Variants in DRC8 observed in about 807,000 individuals in gnomAD.
The protein encoded by DRC8 is dynein regulatory complex subunit 8, also known as dynein regulatory complex protein 8.
At chr1:245,041,592 TC>T in the DRC8 span, among the ~76,000 whole-genome samples, 1 of 152,052 alleles carries the variant, frequency 6.6e-6, no homozygotes, top group Non-Finnish European at 1.5e-5. Context: ...CTGAATTACG[TC>T]CCCTCCAAAT....
the DRC8 span, among the ~76,000 whole-genome samples, chr1:245,106,141 C>A: frequency 6.6e-6 from 1 of 152,244 alleles, no homozygotes; most frequent in Middle Eastern, 3.4e-3. Flanking sequence ...TGCCTGTATC[C>A]CTTATGAGAC....
chr1:244,971,958 C>CAAAAAAAAA, the DRC8 span, among the ~76,000 whole-genome samples: 8 of 107,220 alleles, frequency 7.5e-5, 3 homozygotes, highest in Non-Finnish European at 1.4e-4. Context: ...TGTTCTTTAC[C>CAAAAAAAAA]AAAAAAAAAA....
chr1:245,088,675 G>A, the DRC8 span, among the ~76,000 whole-genome samples: 1 of 152,228 alleles, frequency 6.6e-6, no homozygotes, highest in Admixed American at 6.5e-5. The surrounding 1 kb of genome is among the most constrained non-coding windows in gnomAD (Gnocchi z 4.6). Context: ...AGCCTTGCAG[G>A]GAGAGAGCTT....
At chr1:244,992,297 A>C in the DRC8 span, among the ~76,000 whole-genome samples, 1 of 152,178 alleles carries the variant, frequency 6.6e-6, no homozygotes, top group Non-Finnish European at 1.5e-5. Context: ...TAGTGAAGGA[A>C]AGTTTTTTGA....
chr1:245,047,861 C>CTG, the DRC8 span, among the ~76,000 whole-genome samples: 2,197 of 148,988 alleles, frequency 0.015, 52 homozygotes, highest in African/African-American at 0.05. Flanking sequence ...CCTGTAATCT[C>CTG]TTATTTGAGA....
At chr1:245,105,210 C>T in the DRC8 span, among the ~76,000 whole-genome samples, 1 of 152,078 alleles carries the variant, frequency 6.6e-6, no homozygotes, top group Admixed American at 6.6e-5. Flanking sequence ...AACATAATGT[C>T]TGGATTGTCT....
chr1:245,088,918 T>G, the DRC8 span, among the ~76,000 whole-genome samples: 1 of 152,092 alleles, frequency 6.6e-6, no homozygotes. This position sits in a 1 kb window ranked among gnomAD's most constrained non-coding sequence, Gnocchi z 4.6. Flanking sequence ...GAGGTGAAAT[T>G]GGAGTGGTAA....
At chr1:245,041,635 C>G in the DRC8 span, among the ~76,000 whole-genome samples, 1 of 152,026 alleles carries the variant, frequency 6.6e-6, no homozygotes, top group Non-Finnish European at 1.5e-5. Context: ...TCCAGTATAC[C>G]TCAGAATGAA....
chr1:245,094,908 C>T, the DRC8 span, among the ~76,000 whole-genome samples: 56,184 of 152,118 alleles, frequency 0.37, 10,669 homozygotes, highest in Non-Finnish European at 0.42. Flanking sequence ...GGATGTGTCT[C>T]TCTATAGAAC....
the DRC8 span, among the ~76,000 whole-genome samples, chr1:244,992,865 A>C: frequency 6.6e-6 from 1 of 152,234 alleles, no homozygotes; most frequent in Non-Finnish European, 1.5e-5. Context: ...AATATTTATT[A>C]TCTCTCATAA....
chr1:245,082,255 T>C, the DRC8 span: 7 of 1,160,204 alleles, frequency 6.0e-6, no homozygotes, highest in African/African-American at 3.0e-5. Context: ...CTTTGTGTGT[T>C]ATACTCAAGC....
chr1:245,062,467 C>T, the DRC8 span, among the ~76,000 whole-genome samples: 1 of 152,128 alleles, frequency 6.6e-6, no homozygotes, highest in Admixed American at 6.5e-5. Flanking sequence ...TTAGCGCCTT[C>T]TAGGATCTTC....
At chr1:245,071,918 A>AT in the DRC8 span, among the ~76,000 whole-genome samples, 319 of 152,330 alleles carry the variant, frequency 2.1e-3, 1 homozygote, top group African/African-American at 7.3e-3. Flanking sequence ...CCACACACCT[A>AT]TGAGAGTGGA....
At chr1:244,978,751 A>G in the DRC8 span, among the ~76,000 whole-genome samples, 1 of 152,174 alleles carries the variant, frequency 6.6e-6, no homozygotes, top group Non-Finnish European at 1.5e-5. Flanking sequence ...TGGCCTCCCA[A>G]AGTGCTGGGA....
the DRC8 span, among the ~76,000 whole-genome samples, chr1:245,068,950 C>T: frequency 6.6e-6 from 1 of 152,164 alleles, no homozygotes; most frequent in African/African-American, 2.4e-5. Context: ...GAATATTTTA[C>T]CTTTTTCACT....
chr1:244,983,208 C>A, the DRC8 span, among the ~76,000 whole-genome samples: 5 of 152,154 alleles, frequency 3.3e-5, no homozygotes, highest in Non-Finnish European at 5.9e-5. Context: ...AAACATTGAT[C>A]TAAAATTTAA....
chr1:245,116,209 G>GA, the DRC8 span, among the ~76,000 whole-genome samples: 79 of 147,018 alleles, frequency 5.4e-4, no homozygotes, highest in Middle Eastern at 3.4e-3. Context: ...TCTGTACCAG[G>GA]AAAAAAAAAA....
chr1:245,103,068 G>A, the DRC8 span, among the ~76,000 whole-genome samples: 2 of 147,194 alleles, frequency 1.4e-5, no homozygotes. Flanking sequence ...ACCCTGTGAG[G>A]CTGACGAGGA....
chr1:245,017,389 G>A, the DRC8 span: 1 of 1,481,342 alleles, frequency 6.8e-7, no homozygotes, highest in African/African-American at 1.4e-5. Flanking sequence ...TAAGATACAA[G>A]AGAGCTATTT....
Sources: allele counts gnomAD v4.1 joint callset (sites outside exome capture counted in the v4.1 genomes callset), GRCh38; gene constraint gnomAD v4.1.1; non-coding constraint Gnocchi (gnomAD v3.1); transcripts MANE v1.5; gene names NCBI Gene and HGNC (gene_info 2026-07-23, HGNC 2026-07-21).